The following CTDP1 variants were observed in gnomAD, a reference collection of about 807,000 sequenced individuals.
CTDP1 encodes RNA polymerase II subunit A C-terminal domain phosphatase.
Under a neutral mutation model 91.8 loss-of-function variants are expected in CTDP1, and 47 were observed. The observed-to-expected ratio is 0.51, with a 90% CI of 0.41 to 0.65. The LOEUF (loss-of-function observed/expected upper bound fraction) is 0.65, where lower values mean the gene tolerates loss of function less well. Ranked by LOEUF, CTDP1 falls within the 30% of genes least tolerant of loss-of-function variation. The pLI is 0.00. For synonymous variants in CTDP1, 656 were observed against 598.5 expected (o/e 1.10, Z -1.40); for missense variants, 1,272 against 1,373.7 (o/e 0.93, Z 1.17).
chr18:79,737,044 G>A (rs1206282646), intron 12 of CTDP1, among the ~76,000 whole-genome samples: 17 of 152,212 alleles, frequency 1.1e-4, no homozygotes, highest in Admixed American at 6.5e-4. Flanking sequence ...TGGGTCCCCC[G>A]CCGGTGACAG....
chr18:79,679,188 G>T, upstream of CTDP1: 1 of 326,110 alleles, frequency 3.1e-6, no homozygotes, highest in Non-Finnish European at 6.0e-6. Flanking sequence ...CCGCCTGCGC[G>T]GGCCGAGGGC....
At chr18:79,679,314 G>A, upstream of CTDP1, 1 of 426,252 alleles carries the variant, frequency 2.3e-6, no homozygotes, top group South Asian at 1.6e-5. Context: ...GGGCCACCAG[G>A]ACGCCGACAG....
chr18:79,684,896 C>A (rs796518189), intron 1 of CTDP1, among the ~76,000 whole-genome samples: 1 of 95,412 alleles, frequency 1.0e-5, no homozygotes. Flanking sequence ...CCTGCCCTGC[C>A]CCTTACAGGG....
At chr18:79,701,306 C>G (rs2085850692) in intron 4 of CTDP1, among the ~76,000 whole-genome samples, 1 of 151,978 alleles carries the variant, frequency 6.6e-6, no homozygotes, top group African/African-American at 2.4e-5. Flanking sequence ...GTCAGGAGAT[C>G]AAGACCATCC....
chr18:79,717,654 G>A lies in CTDP1; in HGVS notation c.2188G>A (p.Asp730Asn). Residue 730 changes from aspartate (D) to asparagine (N), a missense_variant, in exon 9 of 13, where the codon GAC (aspartate) becomes AAC (asparagine). By Grantham distance (23) the Asp-to-Asn change is conservative (BLOSUM62 1). Around this residue, in one of 3 missense-constraint regions of CTDP1, gnomAD observed 881 missense variants for 911.6 expected, o/e 0.97. Transcript: ENST00000613122. ...GGAGGAGCAGCTCTTCCCGCTCAGG[G>A]ACGATCACACCAAGGCACAGAGGTG... ...KVEEQLFPLR[D>N]DHTKAQRENS... The A allele has an allele frequency of 6.2e-7, 1 of 1,614,024 alleles. No individual in the cohort carries two copies.
At chr18:79,720,251 A>ATGC (rs1331971442) in intron 10 of CTDP1, among the ~76,000 whole-genome samples, 4 of 147,934 alleles carry the variant, frequency 2.7e-5, no homozygotes, top group East Asian at 2.1e-4. Context: ...TGTCCTGGTG[A>ATGC]TGTCACCTCC....
intron 10 of CTDP1, among the ~76,000 whole-genome samples, chr18:79,725,769 T>C (rs1325083237): frequency 6.6e-6 from 1 of 151,910 alleles, no homozygotes; most frequent in Non-Finnish European, 1.5e-5. Flanking sequence ...CTCCAGTCCC[T>C]CCCTTGCTGG....
Position 79,729,696 on chromosome 18 carries a change from G to A in CTDP1, c.2580+627G>A, listed in dbSNP as rs763667493. On this transcript the variant is annotated intron_variant, in intron 11 of 12. Transcript: ENST00000613122. ...CCTCTTGGGTCCCAGGCCGCCCCCTGATAGAAGGTTCCACAACAGTCCGGA... is the reference window on the plus strand; with the variant it reads ...CCTCTTGGGTCCCAGGCCGCCCCCTAATAGAAGGTTCCACAACAGTCCGGA... Among the ~76,000 whole-genome samples the A allele has an allele frequency of 1.1e-3, 174 of 152,208 alleles. 1 individual carries two copies. Among genetic ancestry groups the A allele is most frequent in the Non-Finnish European group, 1.9e-3 (127 of 68,028 alleles).
intron 12 of CTDP1, among the ~76,000 whole-genome samples, chr18:79,746,517 G>A (rs1599320675): frequency 6.6e-6 from 1 of 152,250 alleles, no homozygotes; most frequent in African/African-American, 2.4e-5. Context: ...TTGCTTTTTC[G>A]TGTTTTCATA....
intron 1 of CTDP1, among the ~76,000 whole-genome samples, chr18:79,693,608 A>G (rs751239420): frequency 1.3e-5 from 2 of 152,184 alleles, no homozygotes; most frequent in Admixed American, 6.5e-5. Context: ...TGTGTTGCAC[A>G]TGCACTGTGT....
At chr18:79,709,644 A>G (rs1702605433) in intron 5 of CTDP1, among the ~76,000 whole-genome samples, 1 of 152,242 alleles carries the variant, frequency 6.6e-6, no homozygotes. Context: ...TCGCTGTGGA[A>G]GCACCTTCTG....
chr18:79,705,590 G>A (rs1477814594), intron 5 of CTDP1, among the ~76,000 whole-genome samples: 2 of 151,692 alleles, frequency 1.3e-5, no homozygotes, highest in Non-Finnish European at 2.9e-5. Flanking sequence ...GACAGTGCGG[G>A]ACGGCGACCG....
In CTDP1 at chr18:79,717,901, G is replaced by A; in HGVS notation, c.2302G>A (p.Gly768Ser). The A allele has an allele frequency of 1.2e-6, 2 of 1,613,586 alleles. No individual in the cohort carries two copies. The highest frequency in any genetic ancestry group is 1.7e-6 in the Non-Finnish European group (2 of 1,180,022). Residue 768 changes from glycine to serine, a missense_variant, in exon 10 of 13, where the codon GGC becomes AGC. Coordinates refer to ENST00000613122, the MANE Select transcript of CTDP1 (RefSeq NM_004715.5). ...PMPVLPKAQP[G>S]PEVRIYDSNT... ...GCCGGTTCTTCCCAAGGCCCAGCCTGGCCCCGAGGTTCGGATCTACGACTC... is the reference window on the plus strand; with the variant it reads ...GCCGGTTCTTCCCAAGGCCCAGCCTAGCCCCGAGGTTCGGATCTACGACTC...
At chr18:79,748,522 C>T (rs187972812) in intron 12 of CTDP1, among the ~76,000 whole-genome samples, 161 of 152,354 alleles carry the variant, frequency 1.1e-3, no homozygotes, top group African/African-American at 3.6e-3. Context: ...TTCCAAAGTG[C>T]GTGGAGGACG....
upstream of CTDP1, chr18:79,678,405 T>C (rs758987934): frequency 6.6e-6 from 1 of 152,254 alleles, no homozygotes; most frequent in African/African-American, 2.4e-5. Context: ...GTTATTTCTG[T>C]AAACCAGTGA....
chr18:79,679,485 G>T (rs920964732), upstream of CTDP1: 4 of 456,760 alleles, frequency 8.8e-6, no homozygotes, highest in Non-Finnish European at 1.8e-5. Flanking sequence ...ATGGGGTAAT[G>T]GCACGCAGGC....
intron 11 of CTDP1, among the ~76,000 whole-genome samples, chr18:79,731,386 C>T (rs1452131924): frequency 1.3e-5 from 2 of 152,166 alleles, no homozygotes; most frequent in Non-Finnish European, 2.9e-5. Flanking sequence ...TAGCACCTGC[C>T]GTGGGGGATG....
chr18:79,680,427 C>G (rs1568167008), intron 1 of CTDP1, among the ~76,000 whole-genome samples, 166 bp downstream of exon 1: 1 of 152,244 alleles, frequency 6.6e-6, no homozygotes, highest in Non-Finnish European at 1.5e-5. Context: ...ATAGTCACCA[C>G]CTGTGGTTTT....
intron 10 of CTDP1, among the ~76,000 whole-genome samples, chr18:79,720,496 CCTCCCAT>C (rs1455239999): frequency 1.3e-5 from 2 of 151,216 alleles, no homozygotes; most frequent in African/African-American, 4.9e-5. Flanking sequence ...GATGATGTCA[CCTCCCAT>C]CGTGTCCTAG....
Sources: allele counts gnomAD v4.1 joint callset (sites outside exome capture counted in the v4.1 genomes callset), GRCh38; gene constraint gnomAD v4.1.1; regional missense constraint gnomAD v4.1.1; transcripts MANE v1.5; gene names NCBI Gene and HGNC (gene_info 2026-07-23, HGNC 2026-07-21).